IGFL4: variants seen among roughly 807,000 people sequenced by gnomAD.
IGFL4 encodes IGF like family member 4.
Under a neutral mutation model 15.4 loss-of-function variants are expected in IGFL4, and 12 were observed. That is an observed-to-expected ratio of 0.78 (90% confidence interval 0.50 to 1.26). The LOEUF is 1.26. Among genes scored for constraint, IGFL4 ranks in the 50% most tolerant of loss-of-function variants. The pLI is 0.00. For synonymous variants in IGFL4, 54 were observed against 55.9 expected (o/e 0.97, Z 0.16); for missense variants, 126 against 147.8 (o/e 0.85, Z 0.76).
At chr19:46,057,788 AAG>A (rs1371802209) in intron 2 of IGFL4, 2 of 152,314 alleles carry the variant, frequency 1.3e-5, no homozygotes, top group Non-Finnish European at 2.9e-5. Flanking sequence ...GTGGCAGGCA[AAG>A]AGAGAGCTTG....
At chr19:46,063,842 A>C (rs1600676999) in intron 1 of IGFL4, among the ~76,000 whole-genome samples, 1 of 152,244 alleles carries the variant, frequency 6.6e-6, no homozygotes, top group East Asian at 1.9e-4. Flanking sequence ...TTCCATGCTC[A>C]TGGATTGGAT....
chr19:46,067,167 CA>C (rs1969502994), intron 1 of IGFL4, among the ~76,000 whole-genome samples: 1 of 152,184 alleles, frequency 6.6e-6, no homozygotes, highest in Admixed American at 6.5e-5. Context: ...CCACAGCAAA[CA>C]GAAGCCAAAC....
At chr19:46,059,008 G>A (rs1969419877) in intron 2 of IGFL4, 1 of 152,216 alleles carries the variant, frequency 6.6e-6, no homozygotes, top group African/African-American at 2.4e-5. Flanking sequence ...GTGGGTAGGA[G>A]TGTCTTTTAG....
chr19:46,072,851 G>C (rs1969559645), intron 1 of IGFL4, among the ~76,000 whole-genome samples: 1 of 152,160 alleles, frequency 6.6e-6, no homozygotes, highest in South Asian at 2.1e-4. Flanking sequence ...AGAGATAAAG[G>C]AGATGGTTCA....
At chr19:46,063,510 A>G (rs1969466238) in intron 1 of IGFL4, among the ~76,000 whole-genome samples, 1 of 152,158 alleles carries the variant, frequency 6.6e-6, no homozygotes, top group Non-Finnish European at 1.5e-5. Context: ...CTTTCCCTAC[A>G]TGCACTTTAA....
chr19:46,041,955 C>A (rs948621319), upstream of IGFL4, among the ~76,000 whole-genome samples: 1 of 151,538 alleles, frequency 6.6e-6, no homozygotes, highest in African/African-American at 2.4e-5. Flanking sequence ...CCTCCCACCT[C>A]AGCCTCTTGA....
chr19:46,040,510 G>A lies in IGFL4; in HGVS notation c.70+8C>T, dbSNP rs556362059. 3 of 1,614,144 alleles carry A rather than the reference G, an allele frequency of 1.9e-6. No individual in the cohort carries two copies. The highest frequency in any genetic ancestry group is 2.2e-5 in the East Asian group (1 of 44,892). On this transcript the variant is annotated splice_region_variant and intron_variant, in intron 2 of 3. Coordinates refer to ENST00000377697, the MANE Select transcript of IGFL4 (RefSeq NM_001002923.3). This position sits in a 1 kb window ranked among gnomAD's most constrained non-coding sequence, Gnocchi z 4.1. ...TGTTCTCTCCTCCCTCACTGCATCT[G>A]TTCTCACCTGTGACTCCTTCTGAGT...
intron 1 of IGFL4, among the ~76,000 whole-genome samples, chr19:46,062,554 G>C (rs942626178): frequency 2.0e-5 from 3 of 152,234 alleles, no homozygotes; most frequent in Admixed American, 6.5e-5. Flanking sequence ...AGAGCCAGGA[G>C]AAAGTACTGC....
At chr19:46,045,650 T>G (rs1156781039), upstream of IGFL4, among the ~76,000 whole-genome samples, 2 of 151,760 alleles carry the variant, frequency 1.3e-5, no homozygotes, top group Non-Finnish European at 2.9e-5. Flanking sequence ...TACAGAATAG[T>G]TCAAGCAGAG....
Position 46,040,974 on chromosome 19 carries a change from C to T in IGFL4, c.-12G>A, listed in dbSNP as rs1232633457. On this transcript the variant is annotated 5_prime_UTR_variant, in exon 1 of 4. Transcript: ENST00000377697. This position sits in a 1 kb window ranked among gnomAD's most constrained non-coding sequence, Gnocchi z 4.1. Reference sequence around the variant, plus strand: ...ATTCTGGGCACCATGGGTTAGGCTTCAGAGCAGCGGACGAGGGAGCAGCAG... The same window carrying T: ...ATTCTGGGCACCATGGGTTAGGCTTTAGAGCAGCGGACGAGGGAGCAGCAG... The T allele has an allele frequency of 1.3e-6, 2 of 1,585,916 alleles. No individual in the cohort carries two copies. The highest frequency in any genetic ancestry group is 1.2e-5 in the South Asian group (1 of 86,248).
chr19:46,054,503 G>A (rs762466796), intron 2 of IGFL4, among the ~76,000 whole-genome samples: 1 of 152,114 alleles, frequency 6.6e-6, no homozygotes, highest in Non-Finnish European at 1.5e-5. Context: ...TTTTGGTTAC[G>A]ACAGCTTCGT....
intron 1 of IGFL4, among the ~76,000 whole-genome samples, chr19:46,073,378 T>C (rs1054498251): frequency 1.3e-5 from 2 of 152,206 alleles, no homozygotes; most frequent in Non-Finnish European, 2.9e-5. Context: ...CTTAATATTA[T>C]GTAACTGGAG....
intron 2 of IGFL4, among the ~76,000 whole-genome samples, chr19:46,052,803 T>C (rs1231884356): frequency 3.3e-5 from 5 of 150,012 alleles, no homozygotes; most frequent in Admixed American, 6.7e-5. Context: ...TATTAACACA[T>C]ACTTAAAATG....
At chr19:46,049,468 A>C (rs1045295973) in intron 2 of IGFL4, among the ~76,000 whole-genome samples, 15 of 152,118 alleles carry the variant, frequency 9.9e-5, no homozygotes, top group African/African-American at 3.6e-4. Context: ...TGTGGGCTGC[A>C]TGGGAGCTGG....
intron 1 of IGFL4, among the ~76,000 whole-genome samples, chr19:46,070,453 T>C (rs1969535113): frequency 6.6e-6 from 1 of 152,044 alleles, no homozygotes; most frequent in South Asian, 2.1e-4. Context: ...TTCTTTCTTC[T>C]GCATGCTCAC....
rs544327046 is a variant in IGFL4, at chr19:46,046,495, T to C, written c.-322-5385A>G. On this transcript the variant is annotated intron_variant, in intron 2 of 5. Transcript: ENST00000601672. ...GATAAAGAGCCAAGACCCATTGATA[T>C]ACTGTCTTCGAGAGACCCATCTCAC... Among the ~76,000 whole-genome samples the C allele has an allele frequency of 3.0e-4, 45 of 152,318 alleles. No homozygotes were observed. The Middle Eastern group carries it at 0.01, about 35-fold the overall frequency.
At chr19:46,068,612 G>A (rs537158107) in intron 1 of IGFL4, among the ~76,000 whole-genome samples, 2 of 152,294 alleles carry the variant, frequency 1.3e-5, no homozygotes, top group South Asian at 4.1e-4. Flanking sequence ...TGGTAGGAGG[G>A]TGGTGCACAC....
rs1437304467 is a variant in IGFL4 at position 46,040,225 on chromosome 19, C to A, written c.262G>T (p.Val88Leu). ...ESLGSQNQTVVRFKVPGMKPD... is the reference protein window; with the variant it reads ...ESLGSQNQTVLRFKVPGMKPD... ...TTCATGCCTGGGACCTTGAACCTCA[C>A]AACTGTCTGGTTCTGAGAGCCCAAA... The change falls in exon 3 of 4, where the codon GTG becomes TTG. Residue 88 changes from valine (V) to leucine (L), a missense_variant. Coordinates refer to ENST00000377697, the MANE Select transcript of IGFL4 (RefSeq NM_001002923.3). This position sits in a 1 kb window ranked among gnomAD's most constrained non-coding sequence, Gnocchi z 4.1. 6.2e-7 allele frequency: 1 copy of A among 1,614,050 alleles called. No homozygotes were observed. Among genetic ancestry groups the A allele is most frequent in the East Asian group, 2.2e-5 (1 of 44,890 alleles).
chr19:46,042,552 T>C (rs2146509656), upstream of IGFL4, among the ~76,000 whole-genome samples: 2 of 152,260 alleles, frequency 1.3e-5, no homozygotes, highest in South Asian at 4.1e-4. Context: ...ATGTAGAAAA[T>C]CCCACGGAAC....
Sources: gnomAD v4.1 joint callset for allele counts (sites outside exome capture counted in the v4.1 genomes callset) on GRCh38, gnomAD v4.1.1 for gene constraint, Gnocchi (gnomAD v3.1) non-coding constraint, MANE v1.5 for transcripts, NCBI Gene and HGNC (gene_info 2026-07-23, HGNC 2026-07-21) for gene names.